Variants in PCNX2 observed in about 807,000 individuals in gnomAD.
PCNX2 encodes pecanex 2, also known as pecanex-like protein 2.
PCNX2 carries 168 observed loss-of-function variants against 223.8 expected under a neutral mutation model. The observed-to-expected ratio is 0.75, with a 90% CI of 0.66 to 0.85. The LOEUF is 0.85. Among genes scored for constraint, PCNX2 ranks in the 40% least tolerant of loss-of-function variants. PCNX2 has a pLI of 0.00. For missense variants in PCNX2, 2,507 were observed against 2,675.5 expected (o/e 0.94, Z 1.39); for synonymous variants, 1,006 against 1,052.6 (o/e 0.96, Z 0.86).
At position 233,262,146 on chromosome 1, in the gene PCNX2, T is replaced by TTC. The variant is rs1172826529; in HGVS notation, c.378_379insGA (p.Asn127GlufsTer26). The TTC allele has an allele frequency of 6.2e-7, 1 of 1,613,790 alleles. No homozygotes were observed. The highest frequency in any genetic ancestry group is 8.5e-7 in the Non-Finnish European group (1 of 1,179,748). ...CGACTGGCCTCTTCCTTTTTGCCAT[T>TTC]GTGAATCTGCCTATTATTGCTAACC... On this transcript the variant is annotated frameshift_variant, in exon 3 of 34. Coordinates refer to ENST00000258229, the MANE Select transcript of PCNX2 (RefSeq NM_014801.4). LOFTEE classifies it high-confidence loss of function.
Position 233,260,892 on chromosome 1 carries a change from A to C in PCNX2, c.517+393T>G, listed in dbSNP as rs550045433. ...CCCCAAAACAAAATCTGTAACTTGA[A>C]AGAAAGGCAGATATGCAGAATGCTG... On this transcript the variant is annotated intron_variant, in intron 4 of 33. Coordinates refer to ENST00000258229, the MANE Select transcript of PCNX2 (RefSeq NM_014801.4). Among the ~76,000 whole-genome samples the C allele has an allele frequency of 2.6e-5, 4 of 152,310 alleles. No homozygotes were observed. The South Asian group carries it at 8.3e-4, about 32-fold the overall frequency.
intron 27 of PCNX2, among the ~76,000 whole-genome samples, chr1:233,016,083 A>T (rs1034318812): frequency 6.6e-6 from 1 of 152,204 alleles, no homozygotes; most frequent in Non-Finnish European, 1.5e-5. Flanking sequence ...GCCTGGCATG[A>T]GTTAAGATTA....
intron 23 of PCNX2, among the ~76,000 whole-genome samples, chr1:233,078,233 G>A (rs1014489758): frequency 2.6e-5 from 4 of 152,172 alleles, no homozygotes; most frequent in African/African-American, 4.8e-5. Flanking sequence ...AGAACACACC[G>A]TGGAGTGTCC....
chr1:233,217,467 T>A (rs1045937494), intron 12 of PCNX2, among the ~76,000 whole-genome samples: 1 of 152,206 alleles, frequency 6.6e-6, no homozygotes, highest in East Asian at 1.9e-4. Context: ...ATTTAATCCA[T>A]GTAGGCATTT....
intron 21 of PCNX2, among the ~76,000 whole-genome samples, chr1:233,123,053 T>C (rs1246533441): frequency 6.6e-6 from 1 of 152,136 alleles, no homozygotes; most frequent in African/African-American, 2.4e-5. Flanking sequence ...GATAACTCAA[T>C]GTATTCTGAA....
At chr1:233,294,506 G>GT (rs1661952924) in intron 1 of PCNX2, among the ~76,000 whole-genome samples, 1 of 152,046 alleles carries the variant, frequency 6.6e-6, no homozygotes, top group East Asian at 1.9e-4. Flanking sequence ...GATTTTTGCT[G>GT]TAAAAAAAAT....
At chr1:232,986,719 G>A (rs1301348286) in intron 32 of PCNX2, among the ~76,000 whole-genome samples, 179 bp from the exon 33 acceptor site, 1 of 152,116 alleles carries the variant, frequency 6.6e-6, no homozygotes, top group Admixed American at 6.5e-5. Context: ...CTCCCGCCAA[G>A]TCCAGGTCCT....
chr1:233,200,551 A>AGCT (rs1307936589), intron 13 of PCNX2, among the ~76,000 whole-genome samples: 2 of 151,996 alleles, frequency 1.3e-5, no homozygotes, highest in Non-Finnish European at 2.9e-5. Context: ...GGATACAAGG[A>AGCT]GCTGATCCTG....
At chr1:233,161,201 A>G in intron 18 of PCNX2, 70 bp downstream of exon 18, 2 of 1,402,702 alleles carry the variant, frequency 1.4e-6, no homozygotes, top group Non-Finnish European at 2.0e-6. Flanking sequence ...AATACCCTGT[A>G]GCTCCATGAC....
rs140456696 is a variant in PCNX2 at position 233,141,733 on chromosome 1, GTATA to G, written c.3518-1882_3518-1879del. Among the ~76,000 whole-genome samples the G allele has an allele frequency of 6.7e-4, 101 of 151,042 alleles. No individual in the cohort carries two copies. In the East Asian group the frequency reaches 0.014, roughly 21 times the overall value. ...TATATATATCTGTGTGTGTAAATGT[GTATA>G]TATATATATGGGTATATATGTGTGT... On this transcript the variant is annotated intron_variant, in intron 19 of 33. Transcript: ENST00000258229.
At chr1:233,093,796 G>A (rs1374113580) in intron 22 of PCNX2, among the ~76,000 whole-genome samples, 1 of 152,042 alleles carries the variant, frequency 6.6e-6, no homozygotes, top group Non-Finnish European at 1.5e-5. Flanking sequence ...ACAAAACAAG[G>A]GGATCCACTG....
At chr1:233,313,326 A>G in the PCNX2 span, among the ~76,000 whole-genome samples, 2 of 152,206 alleles carry the variant, frequency 1.3e-5, no homozygotes, top group Non-Finnish European at 2.9e-5. Context: ...CTAGAAAAAA[A>G]TATTAGCCAA....
Position 233,259,260 on chromosome 1 carries a change from T to C in PCNX2, c.602A>G (p.Gln201Arg). Reference sequence around the variant, plus strand: ...GGTCGTGGTTTCCAGCATGTGTGCTTGAGACGCAGGTAAGCTTTCCACTTT... The same window carrying C: ...GGTCGTGGTTTCCAGCATGTGTGCTCGAGACGCAGGTAAGCTTTCCACTTT... Reference protein sequence around the residue: ...GIKVESLPASQAHMLETTTKS... With the variant: ...GIKVESLPASRAHMLETTTKS... The change falls in exon 5 of 34, where the codon CAA becomes CGA. Residue 201 changes from glutamine to arginine, a missense_variant. By Grantham distance (43) the Gln-to-Arg change is conservative. Coordinates refer to ENST00000258229, the MANE Select transcript of PCNX2 (RefSeq NM_014801.4). The C allele has an allele frequency of 1.9e-6, 3 of 1,613,944 alleles. No homozygotes were observed. Among genetic ancestry groups the C allele is most frequent in the Non-Finnish European group, 2.5e-6 (3 of 1,179,876 alleles).
At chr1:233,185,087 AC>A (rs1680016735) in intron 15 of PCNX2, among the ~76,000 whole-genome samples, 1 of 4,750 alleles carries the variant, frequency 2.1e-4, no homozygotes, top group Non-Finnish European at 2.0e-3. Flanking sequence ...ATACATAAAC[AC>A]ACACACACAC....
intron 19 of PCNX2, among the ~76,000 whole-genome samples, chr1:233,156,918 AAAACAAAC>A (rs138795086): frequency 6.6e-6 from 1 of 152,082 alleles, no homozygotes; most frequent in Non-Finnish European, 1.5e-5. Flanking sequence ...ATTCAGTCTC[AAAACAAAC>A]AAACAAACAA....
intron 1 of PCNX2, among the ~76,000 whole-genome samples, chr1:233,287,141 A>T (rs1246271105): frequency 6.6e-6 from 1 of 152,252 alleles, no homozygotes; most frequent in Non-Finnish European, 1.5e-5. Context: ...AGGACCCCTT[A>T]CATTCAAACT....
intron 25 of PCNX2, among the ~76,000 whole-genome samples, chr1:233,041,338 A>C (rs1671637994): frequency 6.6e-6 from 1 of 152,168 alleles, no homozygotes; most frequent in Non-Finnish European, 1.5e-5. Context: ...CAAAATCTTA[A>C]ATGCTCCAAA....
intron 7 of PCNX2, among the ~76,000 whole-genome samples, chr1:233,251,820 G>A (rs7546115): frequency 6.6e-6 from 1 of 152,054 alleles, no homozygotes; most frequent in African/African-American, 2.4e-5. Context: ...TCCCTTATCC[G>A]TTGAACTTTG....
Position 233,054,361 on chromosome 1 carries a change from T to C in PCNX2, c.4258A>G (p.Ile1420Val), listed in dbSNP as rs1196441669. The C allele has an allele frequency of 6.2e-7, 1 of 1,613,730 alleles. No individual in the cohort carries two copies. The highest frequency in any genetic ancestry group is 8.5e-7 in the Non-Finnish European group (1 of 1,179,858). The change falls in exon 25 of 34, where the codon ATT becomes GTT. Residue 1420 changes from isoleucine to valine, a missense_variant. Physicochemically the swap from Ile to Val is conservative, Grantham distance 29. Coordinates refer to ENST00000258229, the MANE Select transcript of PCNX2 (RefSeq NM_014801.4). ...WGNYSSGDCF[I>V]LASDDLNAFV... ...GCATTGAGGTCATCTGAAGCCAAAA[T>C]AAAGCAATCGCCAGAGCTGTAGTTG...
Sources: gnomAD v4.1 joint callset for allele counts (sites outside exome capture counted in the v4.1 genomes callset) on GRCh38, gnomAD v4.1.1 for gene constraint, MANE v1.5 for transcripts, NCBI Gene and HGNC (gene_info 2026-07-23, HGNC 2026-07-21) for gene names.